The following ABI2 variants were observed in gnomAD, a reference collection of about 807,000 sequenced individuals.
ABI2 encodes abl interactor 2.
ABI2 carries 25 observed loss-of-function variants against 59.2 expected under a neutral mutation model. The observed-to-expected ratio is 0.42, with a 90% confidence interval of 0.31 to 0.59. The LOEUF is 0.59. Ranked by LOEUF, ABI2 falls within the 20% of genes least tolerant of loss-of-function variation. The pLI is 0.14. For missense variants in ABI2, 545 were observed against 681.8 expected (o/e 0.80, Z 2.23); for synonymous variants, 213 against 235.5 (o/e 0.90, Z 0.87).
intron 4 of ABI2, among the ~76,000 whole-genome samples, chr2:203,388,556 C>T (rs1018998047): frequency 3.3e-5 from 5 of 151,986 alleles, no homozygotes; most frequent in Non-Finnish European, 7.4e-5. Flanking sequence ...GGTGGTGCGC[C>T]TGTAATCCCA....
chr2:203,355,202 T>C (rs750437035), intron 1 of ABI2: 7 of 406,364 alleles, frequency 1.7e-5, no homozygotes, highest in Middle Eastern at 3.5e-4. Flanking sequence ...TGACAAAGAA[T>C]ACATGGAAAG....
At chr2:203,404,606 T>A (rs2097352167) in intron 9 of ABI2, among the ~76,000 whole-genome samples, 1 of 152,244 alleles carries the variant, frequency 6.6e-6, no homozygotes, top group African/African-American at 2.4e-5. Flanking sequence ...TCACCCAGGC[T>A]GGAGTGCAGT....
At chr2:203,373,596 A>T (rs920928322) in intron 2 of ABI2, among the ~76,000 whole-genome samples, 1 of 152,186 alleles carries the variant, frequency 6.6e-6, no homozygotes, top group Non-Finnish European at 1.5e-5. Flanking sequence ...GTACTTATCC[A>T]TGTTCAAGTT....
chr2:203,419,279 T>C (rs764471571), intron 11 of ABI2, among the ~76,000 whole-genome samples: 2 of 150,490 alleles, frequency 1.3e-5, no homozygotes, highest in African/African-American at 2.5e-5. Context: ...CCCGCTAATT[T>C]TTTTGTATTT....
At chr2:203,374,251 C>A (rs563757191) in intron 2 of ABI2, among the ~76,000 whole-genome samples, 20 of 152,066 alleles carry the variant, frequency 1.3e-4, no homozygotes, top group Admixed American at 3.3e-4. Context: ...GTAATCCCAG[C>A]ACTTTGAGAG....
chr2:203,425,026 ATTT>A (rs771713104), intron 11 of ABI2, among the ~76,000 whole-genome samples: 3 of 134,552 alleles, frequency 2.2e-5, no homozygotes, highest in Non-Finnish European at 1.6e-5. Flanking sequence ...TGCCAGGCTA[ATTT>A]TTTTTTTTTT....
At chr2:203,374,574 T>C (rs897035469) in intron 2 of ABI2, among the ~76,000 whole-genome samples, 1 of 152,038 alleles carries the variant, frequency 6.6e-6, no homozygotes, top group Non-Finnish European at 1.5e-5. Context: ...TACGTAATTA[T>C]GCATAGAAAG....
Position 203,428,756 on chromosome 2 carries a change from C to T in ABI2, c.*1404C>T, listed in dbSNP as rs1284010046. On this transcript the variant is annotated 3_prime_UTR_variant, in exon 12 of 12. Coordinates refer to ENST00000261018, the MANE Select transcript of ABI2 (RefSeq NM_001375670.1). ...GGGCTTGTCTCTTTGTGGGTGGTCA[C>T]TGTGATGTTGGGCCAGCTCCTGTTC... 6.6e-6 allele frequency: 1 copy of T among 152,230 alleles called. No individual in the cohort carries two copies. Among genetic ancestry groups the T allele is most frequent in the Admixed American group, 6.5e-5 (1 of 15,270 alleles). The allele number at this position is 152,230 out of a possible 1,614,324, so 9.4% of individuals were successfully genotyped here. A position where few individuals can be genotyped will look rare whatever the true frequency, so the allele number is the denominator to read the frequency against.
intron 4 of ABI2, among the ~76,000 whole-genome samples, chr2:203,384,299 T>TTTTTTTTTTTTG (rs2096338520): frequency 1.6e-5 from 2 of 126,666 alleles, no homozygotes; most frequent in African/African-American, 3.0e-5. Flanking sequence ...TGTTTTTTTT[T>TTTTTTTTTTTTG]TTTTTTTTTT....
intron 1 of ABI2, among the ~76,000 whole-genome samples, chr2:203,342,966 G>T (rs2080932898): frequency 6.6e-6 from 1 of 152,094 alleles, no homozygotes; most frequent in Non-Finnish European, 1.5e-5. Context: ...GCATAATTAT[G>T]AATTTTATTC....
intron 1 of ABI2, 104 bp from the exon 2 acceptor site, chr2:203,366,773 C>G (rs1281437099): frequency 2.6e-6 from 3 of 1,155,328 alleles, no homozygotes; most frequent in Non-Finnish European, 2.3e-6. Flanking sequence ...TTTTTACTTT[C>G]TGGTGGACTC....
Position 203,427,983 on chromosome 2 carries a change from T to G in ABI2, c.*631T>G, listed in dbSNP as rs1409916750. 6.6e-6 allele frequency: 1 copy of G among 152,218 alleles called. No homozygotes were observed. Among genetic ancestry groups the G allele is most frequent in the Non-Finnish European group, 1.5e-5 (1 of 68,060 alleles). 9.4% of individuals were successfully genotyped at this position (152,218 alleles called of 1,614,324 possible). On this transcript the variant is annotated 3_prime_UTR_variant, in exon 12 of 12. Transcript: ENST00000261018. ...TCCCTTCATGTTTCTGTTTGTGGAT[T>G]ATAAGGATGATGAAATGTGAAAGTC... is the stretch of plus-strand genomic sequence containing the variant.
chr2:203,333,766 TC>T, intron 1 of ABI2, among the ~76,000 whole-genome samples: 2 of 152,300 alleles, frequency 1.3e-5, no homozygotes, highest in Non-Finnish European at 2.9e-5. Context: ...TTTGTACACT[TC>T]CTACACCTTC....
intron 2 of ABI2, among the ~76,000 whole-genome samples, chr2:203,372,929 A>G (rs2095388150): frequency 6.6e-6 from 1 of 151,636 alleles, no homozygotes; most frequent in Non-Finnish European, 1.5e-5. Context: ...GACGCTCCTC[A>G]CTTCCTAGAC....
In ABI2 at chr2:203,344,970, C is replaced by G. The variant is rs142206187; in HGVS notation, c.117+16339C>G. On this transcript the variant is annotated intron_variant, in intron 1 of 11. Coordinates refer to ENST00000261018, the MANE Select transcript of ABI2 (RefSeq NM_001375670.1). Reference sequence around the variant, plus strand: ...TCTGTAAAATGGACCAACCAGTGCTCTGTAAAATGGACCAATCAGTAGGAC... The same window carrying G: ...TCTGTAAAATGGACCAACCAGTGCTGTGTAAAATGGACCAATCAGTAGGAC... Among the ~76,000 whole-genome samples, 1,046 of 152,124 alleles carry G rather than the reference C, an allele frequency of 6.9e-3. 4 individuals are homozygous for G. The highest frequency in any genetic ancestry group is 0.014 in the Middle Eastern group (4 of 294).
intron 8 of ABI2, among the ~76,000 whole-genome samples, chr2:203,398,334 A>G (rs532010024): frequency 3.3e-5 from 5 of 152,276 alleles, no homozygotes; most frequent in South Asian, 2.1e-4. Context: ...AGAAAGGACA[A>G]ATCACCCCCA....
chr2:203,422,876 C>T (rs779649497), intron 11 of ABI2, among the ~76,000 whole-genome samples: 5 of 152,140 alleles, frequency 3.3e-5, no homozygotes, highest in Non-Finnish European at 7.4e-5. Context: ...CTTTGCTCTA[C>T]CTCAGGACAG....
chr2:203,416,539 G>A (rs1203434363), intron 10 of ABI2, among the ~76,000 whole-genome samples: 2 of 152,028 alleles, frequency 1.3e-5, no homozygotes, highest in East Asian at 1.9e-4. Flanking sequence ...CAGGTGATCC[G>A]CCTGCTTCGG....
At chr2:203,380,617 G>A (rs979149381) in intron 3 of ABI2, among the ~76,000 whole-genome samples, 35 of 152,206 alleles carry the variant, frequency 2.3e-4, no homozygotes, top group African/African-American at 7.9e-4. Context: ...GCTTGGTTAT[G>A]ATAATACCTC....
Sources: allele counts gnomAD v4.1 joint callset (sites outside exome capture counted in the v4.1 genomes callset), GRCh38; gene constraint gnomAD v4.1.1; transcripts MANE v1.5; gene names NCBI Gene and HGNC (gene_info 2026-07-23, HGNC 2026-07-21).